Variants in PCLO observed in about 807,000 individuals in gnomAD.
PCLO encodes the protein protein piccolo.
A neutral mutation model predicts 427.5 loss-of-function variants in PCLO; 82 were observed. That is an observed-to-expected ratio of 0.19 (90% confidence interval 0.16 to 0.23). The LOEUF (loss-of-function observed/expected upper bound fraction) is 0.23. PCLO is among the 10% of genes least tolerant of loss of function. The pLI is 1.00. For synonymous variants in PCLO, 2,357 were observed against 2,155.4 expected (o/e 1.09, Z -2.59); for missense variants, 6,239 against 6,115.9 (o/e 1.02, Z -0.67).
chr7:82,823,878 G>A (rs1486099646), intron 19 of PCLO, among the ~76,000 whole-genome samples: 1 of 152,166 alleles, frequency 6.6e-6, no homozygotes, highest in Non-Finnish European at 1.5e-5. Context: ...TGATGATTAT[G>A]TCTAGTCAAT....
In PCLO at chr7:83,040,009, T is replaced by C. The variant is rs118041685; in HGVS notation, c.3301-73522A>G. On this transcript the variant is annotated intron_variant, in intron 3 of 24. Transcript: ENST00000333891. ...AGAAATTAAACAGATTTCAAAAATA[T>C]TGTTATTCTGCAGCATTGCTGAACT... Among the ~76,000 whole-genome samples the C allele has an allele frequency of 7.4e-3, 1,126 of 152,276 alleles. 6 individuals are homozygous for C. The highest frequency in any genetic ancestry group is 0.028 in the South Asian group (137 of 4,822).
intron 10 of PCLO, among the ~76,000 whole-genome samples, chr7:82,852,471 G>A (rs535402316): frequency 2.5e-4 from 38 of 152,190 alleles, no homozygotes; most frequent in African/African-American, 8.9e-4. Flanking sequence ...TCTTTCTCTA[G>A]TGATGGATGC....
intron 21 of PCLO, 77 bp downstream of exon 21, chr7:82,805,611 A>C: frequency 7.2e-7 from 1 of 1,394,264 alleles, no homozygotes. Flanking sequence ...TTATCCAGTT[A>C]TTTCCTGTTA....
At chr7:83,099,132 A>G (rs1465875044) in intron 3 of PCLO, among the ~76,000 whole-genome samples, 1 of 151,370 alleles carries the variant, frequency 6.6e-6, no homozygotes, top group Non-Finnish European at 1.5e-5. Context: ...AGGCAAAGGA[A>G]TTTCAAATCT....
At chr7:82,991,011 TA>T (rs1413142131) in intron 3 of PCLO, among the ~76,000 whole-genome samples, 3 of 152,146 alleles carry the variant, frequency 2.0e-5, no homozygotes, top group Admixed American at 1.3e-4. Flanking sequence ...TCAAGTTCAG[TA>T]AAAAGTAGTC....
chr7:83,087,783 A>G (rs1056559854), intron 3 of PCLO, among the ~76,000 whole-genome samples: 4 of 152,162 alleles, frequency 2.6e-5, no homozygotes, highest in African/African-American at 9.6e-5. Context: ...TGATTCTATT[A>G]AATTATGTAT....
At chr7:83,056,025 T>C (rs1030091057) in intron 3 of PCLO, among the ~76,000 whole-genome samples, 5 of 152,170 alleles carry the variant, frequency 3.3e-5, no homozygotes, top group African/African-American at 1.2e-4. Context: ...TATTGATACA[T>C]GTTAATTGTA....
At chr7:82,894,715 T>A (rs948902943) in intron 9 of PCLO, among the ~76,000 whole-genome samples, 1 of 152,040 alleles carries the variant, frequency 6.6e-6, no homozygotes, top group South Asian at 2.1e-4. Flanking sequence ...TAAGTTGTCA[T>A]GATAATTCTA....
At chr7:83,071,660 C>T (rs1257427466) in intron 3 of PCLO, among the ~76,000 whole-genome samples, 3 of 152,136 alleles carry the variant, frequency 2.0e-5, no homozygotes, top group African/African-American at 4.8e-5. Context: ...ACTAATAATA[C>T]ATCATGAATC....
intron 20 of PCLO, among the ~76,000 whole-genome samples, chr7:82,815,396 G>A (rs895407102): frequency 3.9e-5 from 6 of 152,014 alleles, no homozygotes; most frequent in Admixed American, 2.0e-4. Flanking sequence ...CATTGGCAAT[G>A]AGGATGCTTT....
At chr7:82,774,365 C>T (rs563031425) in intron 22 of PCLO, among the ~76,000 whole-genome samples, 1 of 152,266 alleles carries the variant, frequency 6.6e-6, no homozygotes, top group Non-Finnish European at 1.5e-5. Flanking sequence ...CTGGATCTAT[C>T]TCTATGCTTT....
chr7:82,805,602 T>TAA (rs1423212829), intron 21 of PCLO, 86 bp downstream of exon 21: 10 of 1,290,092 alleles, frequency 7.8e-6, no homozygotes, highest in Non-Finnish European at 9.8e-6. Flanking sequence ...ATTGGGTAAT[T>TAA]ATCCAGTTAT....
At chr7:83,028,031 C>G (rs1314472595) in intron 3 of PCLO, among the ~76,000 whole-genome samples, 1 of 143,342 alleles carries the variant, frequency 7.0e-6, no homozygotes, top group Non-Finnish European at 1.5e-5. Context: ...GAAGCATTCC[C>G]TTTGAAAACT....
At chr7:83,111,751 T>G (rs1791007725) in intron 3 of PCLO, among the ~76,000 whole-genome samples, 1 of 152,218 alleles carries the variant, frequency 6.6e-6, no homozygotes, top group African/African-American at 2.4e-5. Context: ...GAGCTATTGT[T>G]ATAAAGTGCT....
At chr7:82,873,971 G>A (rs989939658) in intron 10 of PCLO, among the ~76,000 whole-genome samples, 2 of 152,134 alleles carry the variant, frequency 1.3e-5, no homozygotes, top group Admixed American at 1.3e-4. Flanking sequence ...GAGAACATGT[G>A]CCCAGAGGTA....
intron 6 of PCLO, among the ~76,000 whole-genome samples, chr7:82,925,821 T>A (rs1794700367): frequency 6.8e-6 from 1 of 148,050 alleles, no homozygotes; most frequent in Non-Finnish European, 1.5e-5. Context: ...ACTCAAGTGA[T>A]CCTCCCACCT....
chr7:82,968,484 C>A (rs1795828630), intron 3 of PCLO, among the ~76,000 whole-genome samples: 1 of 150,102 alleles, frequency 6.7e-6, no homozygotes, highest in Non-Finnish European at 1.5e-5. Flanking sequence ...CTTGGTTGAA[C>A]CACATCTTAA....
intron 15 of PCLO, among the ~76,000 whole-genome samples, chr7:82,837,789 A>T (rs151196662): frequency 1.3e-5 from 2 of 152,160 alleles, no homozygotes; most frequent in East Asian, 3.9e-4. Flanking sequence ...CTTAATCAAC[A>T]CTAACATAAT....
At chr7:83,162,308 CAT>C in intron 1 of PCLO, 35 bp downstream of exon 1, 1 of 1,560,388 alleles carries the variant, frequency 6.4e-7, no homozygotes. Context: ...GGAAGCTGTA[CAT>C]ATATGCCCGG....
Sources: allele counts gnomAD v4.1 joint callset (sites outside exome capture counted in the v4.1 genomes callset), GRCh38; gene constraint gnomAD v4.1.1; transcripts MANE v1.5; gene names NCBI Gene and HGNC (gene_info 2026-07-23, HGNC 2026-07-21).